KCNJ11: variants seen among roughly 807,000 people sequenced by gnomAD.
KCNJ11 encodes potassium inwardly rectifying channel subfamily J member 11, also known as ATP-sensitive inward rectifier potassium channel 11.
KCNJ11 carries 12 observed loss-of-function variants against 17.3 expected under a neutral mutation model. The observed-to-expected ratio is 0.69, with a 90% CI of 0.44 to 1.12. KCNJ11 has a LOEUF of 1.12. Among genes scored for constraint, KCNJ11 ranks in the 50% most tolerant of loss-of-function variants. KCNJ11 has a pLI of 0.00. For missense variants in KCNJ11, 386 were observed against 554.1 expected (o/e 0.70, Z 3.05); for synonymous variants, 211 against 223.4 (o/e 0.94, Z 0.50).
rs1408290206 is a variant in KCNJ11, at chr11:17,386,914, A to G, written c.*5T>C. ...ACGCGTGTGGGGGGCCCGAGAGACC[A>G]TGGCTCAGGACAGGGAATCTGGAGA... is the stretch of plus-strand genomic sequence containing the variant. On this transcript the variant is annotated 3_prime_UTR_variant, in exon 1 of 1. Coordinates refer to ENST00000339994, the MANE Select transcript of KCNJ11 (RefSeq NM_000525.4). 2 of 1,610,400 alleles carry G rather than the reference A, an allele frequency of 1.2e-6. No homozygotes were observed. Among genetic ancestry groups the G allele is most frequent in the South Asian group, 2.2e-5 (2 of 90,500 alleles).
At position 17,387,224 on chromosome 11, in the gene KCNJ11, C is replaced by T. The variant is rs750414160; in HGVS notation, c.868G>A (p.Val290Met). The change falls in exon 1 of 1, where the codon GTG (valine) becomes ATG (methionine). Residue 290 changes from valine (V) to methionine (M), a missense_variant. Coordinates refer to ENST00000339994, the MANE Select transcript of KCNJ11 (RefSeq NM_000525.4). ...GTGGTGATGCCCGTGGTTTCCACCA[C>T]GCCTTCCAGGATGACGATGATCTCG... is the stretch of plus-strand genomic sequence containing the variant. The part of the protein sequence containing the change: ...DLEIIVILEG[V>M]VETTGITTQA... 8.7e-6 allele frequency: 14 copies of T among 1,614,114 alleles called. No homozygotes were observed. Among genetic ancestry groups the T allele is most frequent in the South Asian group, 4.4e-5 (4 of 91,088 alleles).
rs1352210556 is a variant in KCNJ11 at position 17,387,069 on chromosome 11, T to C, written c.1023A>G (p.Thr341=). 3.1e-6 allele frequency: 5 copies of C among 1,614,052 alleles called. No homozygotes were observed. The highest frequency in any genetic ancestry group is 4.2e-6 in the Non-Finnish European group (5 of 1,180,020). The change falls in exon 1 of 1, where the codon ACA becomes ACG. Residue 341 remains threonine, a synonymous_variant. Coordinates refer to ENST00000339994, the MANE Select transcript of KCNJ11 (RefSeq NM_000525.4). ...SKFGNTVKVP[T]PLCTARQLDE... ...CAAGCTGGCGGGCCGTGCAGAGTGG[T>C]GTGGGCACTTTGACGGTGTTGCCAA... is the stretch of plus-strand genomic sequence containing the variant.
Position 17,387,796 on chromosome 11 carries a change from T to C in KCNJ11, c.296A>G (p.Asp99Gly). ...AWWLIAFAHG[D>G]LAPSEGTAEP... is the part of the protein sequence containing the mutation. Reference sequence around the variant, plus strand: ...AGCAGTGCCCTCGCTGGGGGCCAGGTCACCGTGGGCGAAGGCGATGAGCCA... The same window carrying C: ...AGCAGTGCCCTCGCTGGGGGCCAGGCCACCGTGGGCGAAGGCGATGAGCCA... The change falls in exon 1 of 1, where the codon GAC becomes GGC. Residue 99 changes from aspartate (D) to glycine (G), a missense_variant. By Grantham distance (94) the Asp-to-Gly change is moderately conservative. Coordinates refer to ENST00000339994, the MANE Select transcript of KCNJ11 (RefSeq NM_000525.4). 6.2e-7 allele frequency: 1 copy of C among 1,614,090 alleles called. No homozygotes were observed. The highest frequency in any genetic ancestry group is 1.3e-5 in the African/African-American group (1 of 75,018).
At position 17,387,877 on chromosome 11, in the gene KCNJ11, A is replaced by G; in HGVS notation, c.215T>C (p.Leu72Ser). Residue 72 changes from leucine (L) to serine (S), a missense_variant, in exon 1 of 1, where the codon TTG becomes TCG. Physicochemically the swap from Leu to Ser is moderately radical, Grantham distance 145 (BLOSUM62 -2). Transcript: ENST00000339994. ...CAGGAAGGACATGGTGAAGATGAGC[A>G]ATGTGTGTGGCCACTTGAGGTCCAC... is the stretch of plus-strand genomic sequence containing the variant. ...TLVDLKWPHT[L>S]LIFTMSFLCS... 1 of 1,611,460 alleles carries G rather than the reference A, an allele frequency of 6.2e-7. No individual in the cohort carries two copies.
In KCNJ11 at chr11:17,386,875, G is replaced by A; in HGVS notation, c.*44C>T. On this transcript the variant is annotated 3_prime_UTR_variant, in exon 1 of 1. Transcript: ENST00000339994. ...CCCTGGCCGGGCTACATACCACATG[G>A]TCCGTGTGTACACACGCGTGTGGGG... 1 of 1,548,608 alleles carries A rather than the reference G, an allele frequency of 6.5e-7. No individual in the cohort carries two copies. The highest frequency in any genetic ancestry group is 8.8e-7 in the Non-Finnish European group (1 of 1,136,038).
rs1953577404 is a variant in KCNJ11 at position 17,387,308 on chromosome 11, C to T, written c.784G>A (p.Asp262Asn). The T allele has an allele frequency of 2.5e-6, 4 of 1,613,988 alleles. No homozygotes were observed. Among genetic ancestry groups the T allele is most frequent in the Non-Finnish European group, 8.5e-7 (1 of 1,180,002 alleles). The stretch of plus-strand genomic sequence containing the variant: ...AGGTCGTAGAGTGGGCTGTTGGCAT[C>T]AATGACATGGTAGATGATCAGCGGG... ...VAPLIIYHVIDANSPLYDLAP... is the reference protein window; with the variant it reads ...VAPLIIYHVINANSPLYDLAP... Residue 262 changes from aspartate to asparagine, a missense_variant, in exon 1 of 1, where the codon GAT becomes AAT. Transcript: ENST00000339994.
chr11:17,389,322 G>C (rs573373761), upstream of KCNJ11: 1 of 152,172 alleles, frequency 6.6e-6, no homozygotes, highest in South Asian at 2.1e-4. Context: ...ACGGCGGGAG[G>C]GGGGCGCACG....
In KCNJ11 at chr11:17,386,902, G is replaced by A; in HGVS notation, c.*17C>T. The A allele has an allele frequency of 5.0e-6, 8 of 1,604,732 alleles. No homozygotes were observed. The highest frequency in any genetic ancestry group is 6.8e-6 in the Non-Finnish European group (8 of 1,174,836). On this transcript the variant is annotated 3_prime_UTR_variant, in exon 1 of 1. Coordinates refer to ENST00000339994, the MANE Select transcript of KCNJ11 (RefSeq NM_000525.4). ...CCGTGTGTACACACGCGTGTGGGGG[G>A]CCCGAGAGACCATGGCTCAGGACAG...
In KCNJ11 at chr11:17,386,891, G is replaced by A. The variant is rs372394648; in HGVS notation, c.*28C>T. ...TACCACATGGTCCGTGTGTACACAC[G>A]CGTGTGGGGGGCCCGAGAGACCATG... On this transcript the variant is annotated 3_prime_UTR_variant, in exon 1 of 1. Transcript: ENST00000339994. The A allele has an allele frequency of 2.5e-6, 4 of 1,593,384 alleles. No homozygotes were observed. The highest frequency in any genetic ancestry group is 1.1e-5 in the South Asian group (1 of 88,010).
In KCNJ11 at chr11:17,386,812, G is replaced by A. The variant is rs1279398409; in HGVS notation, c.*107C>T. 3.8e-5 allele frequency: 35 copies of A among 929,328 alleles called. No individual in the cohort carries two copies. Among genetic ancestry groups the A allele is most frequent in the Non-Finnish European group, 5.5e-5 (34 of 615,752 alleles). The allele number at this position is 929,328 out of a possible 1,614,324, so 57.6% of individuals were successfully genotyped here. A position where few individuals can be genotyped will look rare whatever the true frequency, so the allele number is the denominator to read the frequency against. On this transcript the variant is annotated 3_prime_UTR_variant, in exon 1 of 1. Coordinates refer to ENST00000339994, the MANE Select transcript of KCNJ11 (RefSeq NM_000525.4). ...TGTAACACCCTGGATGAGCAGCAGG[G>A]GGAGGCTGAGCTGAGGCTGGCCCAG...
rs5213 is a variant in KCNJ11, at chr11:17,386,857, C to T, written c.*62G>A. On this transcript the variant is annotated 3_prime_UTR_variant, in exon 1 of 1. Coordinates refer to ENST00000339994, the MANE Select transcript of KCNJ11 (RefSeq NM_000525.4). ...GCCCAGCCTCACACCAGGCCCTGGC[C>T]GGGCTACATACCACATGGTCCGTGT... The T allele has an allele frequency of 0.66, 964,739 of 1,466,560 alleles. 321,092 individuals carry two copies. Among genetic ancestry groups the T allele is most frequent in the African/African-American group, 0.93 (66,075 of 71,408 alleles). The allele number at this position is 1,466,560 out of a possible 1,614,324, so 90.8% of individuals were successfully genotyped here. A position where few individuals can be genotyped will look rare whatever the true frequency, so the allele number is the denominator to read the frequency against.
Position 17,387,632 on chromosome 11 carries a change from T to C in KCNJ11, c.460A>G (p.Ile154Val), listed in dbSNP as rs2133380267. Residue 154 changes from isoleucine (I) to valine (V), a missense_variant, in exon 1 of 1, where the codon ATC becomes GTC. Ile to Val is a conservative substitution (Grantham distance 29). Coordinates refer to ENST00000339994, the MANE Select transcript of KCNJ11 (RefSeq NM_000525.4). The part of the protein sequence containing the change: ...LAILILIVQN[I>V]VGLMINAIML... The stretch of plus-strand genomic sequence containing the variant: ...ATGGCGTTGATCATGAGCCCCACGA[T>C]GTTCTGCACGATGAGGATCAGGATG... 1.2e-6 allele frequency: 2 copies of C among 1,613,924 alleles called. No homozygotes were observed. The highest frequency in any genetic ancestry group is 1.1e-5 in the South Asian group (1 of 91,078).
rs759640892 is a variant in KCNJ11 at position 17,386,878 on chromosome 11, CGTGTGTA to C, written c.*34_*40del. The C allele has an allele frequency of 1.3e-6, 2 of 1,561,108 alleles. No homozygotes were observed. The highest frequency in any genetic ancestry group is 2.7e-5 in the African/African-American group (2 of 73,628). ...TGGCCGGGCTACATACCACATGGTC[CGTGTGTA>C]CACACGCGTGTGGGGGGCCCGAGAG... On this transcript the variant is annotated 3_prime_UTR_variant, in exon 1 of 1. Transcript: ENST00000339994.
chr11:17,387,932 G>A lies in KCNJ11; in HGVS notation c.160C>T (p.Arg54Cys), dbSNP rs375848765. 5.0e-6 allele frequency: 8 copies of A among 1,610,620 alleles called. No individual in the cohort carries two copies. The highest frequency in any genetic ancestry group is 1.3e-5 in the African/African-American group (1 of 74,862). The change falls in exon 1 of 1, where the codon CGC becomes TGC. Residue 54 changes from arginine to cysteine, a missense_variant. Physicochemically the swap from Arg to Cys is radical, Grantham distance 180. Coordinates refer to ENST00000339994, the MANE Select transcript of KCNJ11 (RefSeq NM_000525.4). ...VAHKNIREQGRFLQDVFTTLV... is the reference protein window; with the variant it reads ...VAHKNIREQGCFLQDVFTTLV... ...GTGGTGAACACGTCCTGCAGGAAGC[G>A]GCCCTGCTCCCGGATGTTCTTGTGG...
upstream of KCNJ11, chr11:17,388,732 AGCCCTTCTCCCCGCCCAGCCT>A (rs1953605259): frequency 2.4e-6 from 1 of 411,922 alleles, no homozygotes; most frequent in African/African-American, 2.1e-5. Context: ...TCCCGCTAAG[AGCCCTTCTCCCCGCCCAGCCT>A]GCCTTCCCAG....
rs1953566363 is a variant in KCNJ11 at position 17,386,918 on chromosome 11, C to T, written c.*1G>A. ...GTGTGGGGGGCCCGAGAGACCATGG[C>T]TCAGGACAGGGAATCTGGAGAGATG... On this transcript the variant is annotated 3_prime_UTR_variant, in exon 1 of 1. Coordinates refer to ENST00000339994, the MANE Select transcript of KCNJ11 (RefSeq NM_000525.4). The T allele has an allele frequency of 6.2e-7, 1 of 1,611,314 alleles. No individual in the cohort carries two copies. The highest frequency in any genetic ancestry group is 1.3e-5 in the African/African-American group (1 of 74,900).
Position 17,387,506 on chromosome 11 carries a change from G to T in KCNJ11, c.586C>A (p.Leu196Ile). The change falls in exon 1 of 1, where the codon CTC (leucine) becomes ATC (isoleucine). Residue 196 changes from leucine to isoleucine, a missense_variant. Physicochemically the swap from Leu to Ile is conservative, Grantham distance 5. Transcript: ENST00000339994. ...HAVIALRHGR[L>I]CFMLRVGDLR... ...TCACCCACACGTAGCATGAAGCAGA[G>T]GCGGCCGTGGCGCAGGGCGATCACC... is the stretch of plus-strand genomic sequence containing the variant. 1 of 1,611,962 alleles carries T rather than the reference G, an allele frequency of 6.2e-7. No homozygotes were observed.
At position 17,386,987 on chromosome 11, in the gene KCNJ11, G is replaced by T. The variant is rs371275937; in HGVS notation, c.1105C>A (p.Arg369Ser). The T allele has an allele frequency of 1.4e-5, 23 of 1,613,602 alleles. No individual in the cohort carries two copies. In the South Asian group the frequency reaches 1.5e-4, roughly 11 times the overall value. The change falls in exon 1 of 1, where the codon CGC (arginine) becomes AGC (serine). Residue 369 changes from arginine to serine, a missense_variant. Transcript: ENST00000339994. ...TTGGCCATGGGCACGCTGCGCTTGC[G>T]CAGGGGCCCGCGGGCTGAGGCGAGG... Reference protein sequence around the residue: ...LTLASARGPLRKRSVPMAKAK... With the variant: ...LTLASARGPLSKRSVPMAKAK...
Position 17,388,101 on chromosome 11 carries a change from G to A in KCNJ11, c.-10C>T, listed in dbSNP as rs767154821. 3.7e-6 allele frequency: 6 copies of A among 1,606,158 alleles called. No individual in the cohort carries two copies. Among genetic ancestry groups the A allele is most frequent in the Non-Finnish European group, 5.1e-6 (6 of 1,177,080 alleles). On this transcript the variant is annotated 5_prime_UTR_variant, in exon 1 of 1. Transcript: ENST00000339994. ...CCTTGCGGGACAGCATGGCTCCGGT[G>A]ACCCCCAGGGAGGGGCTTCCCCCAT... is the stretch of plus-strand genomic sequence containing the variant.
Sources: allele counts gnomAD v4.1 joint callset, GRCh38; gene constraint gnomAD v4.1.1; transcripts MANE v1.5; gene names NCBI Gene and HGNC (gene_info 2026-07-23, HGNC 2026-07-21).